DTYMK: variants seen among roughly 807,000 people sequenced by gnomAD.
The protein encoded by DTYMK is thymidylate kinase.
A neutral mutation model predicts 20.3 loss-of-function variants in DTYMK; 20 were observed. The ratio of observed to expected loss-of-function variants is 0.99; its 90% CI spans 0.69 to 1.43. The LOEUF is 1.43. Among genes scored for constraint, DTYMK ranks in the 40% most tolerant of loss-of-function variants. The probability of loss-of-function intolerance (pLI) is 0.00; values close to 1 mark genes in which losing one functional copy is unlikely to be tolerated. For missense variants in DTYMK, 320 were observed against 291.1 expected, an observed-to-expected ratio of 1.10 and a Z score of -0.72; for synonymous variants, 148 against 124.4, an observed-to-expected ratio of 1.19 and a Z score of -1.27.
Position 241,686,730 on chromosome 2 carries a change from C to T in DTYMK, c.54G>A (p.Gly18=), listed in dbSNP as rs1446449969. Residue 18 remains glycine, a synonymous_variant, in exon 1 of 5, where the codon GGG becomes GGA. Transcript: ENST00000305784. The part of the protein sequence containing the change: ...LIVLEGVDRA[G]KSTQSRKLVE... ...CCAGCTTGCGGCTCTGCGTGCTCTT[C>T]CCGGCGCGGTCCACGCCCTCCAGCA... is the stretch of plus-strand genomic sequence containing the variant. 3 of 1,546,736 alleles carry T rather than the reference C, an allele frequency of 1.9e-6. No homozygotes were observed. The highest frequency in any genetic ancestry group is 8.6e-7 in the Non-Finnish European group (1 of 1,159,734).
At chr2:241,680,980 G>T (rs1444299950) in intron 2 of DTYMK, among the ~76,000 whole-genome samples, 1 of 152,232 alleles carries the variant, frequency 6.6e-6, no homozygotes, top group African/African-American at 2.4e-5. Context: ...AGGCAAAGAA[G>T]AGAGCAGAGG....
rs1298359327 is a variant in DTYMK, at chr2:241,678,791, T to C, written c.331-142A>G. The C allele has an allele frequency of 8.3e-6, 8 of 966,602 alleles. No homozygotes were observed. The African/African-American group carries it at 9.9e-5, about 12-fold the overall frequency. 59.9% of individuals were successfully genotyped at this position (966,602 alleles called of 1,614,324 possible). ...TTTATATTGTGGCTCGTTTAATTTT[T>C]AGAACCTCAAACGTGTCGGTTTCTC... is the stretch of plus-strand genomic sequence containing the variant. On this transcript the variant is annotated intron_variant, in intron 3 of 4. Coordinates refer to ENST00000305784, the MANE Select transcript of DTYMK (RefSeq NM_012145.4).
intron 2 of DTYMK, among the ~76,000 whole-genome samples, chr2:241,684,145 T>C (rs1264468847): frequency 2.6e-5 from 4 of 152,082 alleles, no homozygotes; most frequent in Middle Eastern, 3.2e-3. Flanking sequence ...GGGAAACAAG[T>C]AACCTGTAGG....
intron 2 of DTYMK, 30 bp downstream of exon 2, chr2:241,685,739 G>A: frequency 6.3e-7 from 1 of 1,599,750 alleles, no homozygotes; most frequent in Non-Finnish European, 8.6e-7. Flanking sequence ...AGTGGCAAGG[G>A]CAGAGGGAGC....
chr2:241,685,732 G>A, intron 2 of DTYMK, 37 bp downstream of exon 2: 2 of 1,588,546 alleles, frequency 1.3e-6, no homozygotes, highest in Non-Finnish European at 1.7e-6. Flanking sequence ...GAAGGAAAGT[G>A]GCAAGGGCAG....
In DTYMK at chr2:241,686,707, A is replaced by T; in HGVS notation, c.77T>A (p.Leu26Gln). 1 of 1,543,396 alleles carries T rather than the reference A, an allele frequency of 6.5e-7. No homozygotes were observed. ...GCCCGCGGCGCACAGCGCTTCCACCAGCTTGCGGCTCTGCGTGCTCTTCCC... is the reference window on the plus strand; with the variant it reads ...GCCCGCGGCGCACAGCGCTTCCACCTGCTTGCGGCTCTGCGTGCTCTTCCC... The part of the protein sequence containing the change: ...RAGKSTQSRK[L>Q]VEALCAAGHR... Residue 26 changes from leucine (L) to glutamine (Q), a missense_variant, in exon 1 of 5, where the codon CTG (leucine) becomes CAG (glutamine). Leu to Gln is a moderately radical substitution (Grantham distance 113). Coordinates refer to ENST00000305784, the MANE Select transcript of DTYMK (RefSeq NM_012145.4).
chr2:241,677,697 G>T (rs749621238), intron 4 of DTYMK, among the ~76,000 whole-genome samples: 2 of 152,246 alleles, frequency 1.3e-5, no homozygotes, highest in African/African-American at 4.8e-5. Context: ...TGGGAGGGGA[G>T]AGTCCAGCGT....
At chr2:241,678,789 T>C in intron 3 of DTYMK, 140 bp from the exon 4 acceptor site, 1 of 966,592 alleles carries the variant, frequency 1.0e-6, no homozygotes, top group African/African-American at 1.6e-5. Flanking sequence ...TCGTTTAATT[T>C]TTAGAACCTC....
Position 241,686,664 on chromosome 2 carries a change from G to A in DTYMK, c.120C>T (p.Leu40=). 1 of 1,521,886 alleles carries A rather than the reference G, an allele frequency of 6.6e-7. No individual in the cohort carries two copies. Among genetic ancestry groups the A allele is most frequent in the Non-Finnish European group, 8.7e-7 (1 of 1,146,362 alleles). The allele number at this position is 1,521,886 out of a possible 1,614,324, so 94.3% of individuals were successfully genotyped here. A position where few individuals can be genotyped will look rare whatever the true frequency, so the allele number is the denominator to read the frequency against. The change falls in exon 1 of 5, where the codon CTC becomes CTT. Residue 40 remains leucine, a synonymous_variant. Transcript: ENST00000305784. ...LCAAGHRAEL[L]RFPERSTEIG... ...GCCGCGCGCACCCACCCGGGAACCG[G>A]AGCAGTTCGGCGCGGTGGCCCGCGG...
Position 241,677,016 on chromosome 2 carries a change from G to A in DTYMK, c.529-779C>T, listed in dbSNP as rs6729449. ...CACAATGGCGTGAACGGTGCGAGGA[G>A]CGTGGGGAGGGCATAAGCCCGCAGG... On this transcript the variant is annotated intron_variant, in intron 4 of 4. Transcript: ENST00000305784. Among the ~76,000 whole-genome samples, 42 of 152,360 alleles carry A rather than the reference G, an allele frequency of 2.8e-4. 1 individual carries two copies. The highest frequency in any genetic ancestry group is 8.2e-4 in the African/African-American group (34 of 41,592).
rs2069427625 is a variant in DTYMK at position 241,686,763 on chromosome 2, A to G, written c.21T>C (p.Ala7=). 3 of 1,472,062 alleles carry G rather than the reference A, an allele frequency of 2.0e-6. No individual in the cohort carries two copies. The highest frequency in any genetic ancestry group is 2.5e-5 in the Admixed American group (1 of 39,336). 91.2% of individuals were successfully genotyped at this position (1,472,062 alleles called of 1,614,324 possible). A position where few individuals can be genotyped will look rare whatever the true frequency, so the allele number is the denominator to read the frequency against. The change falls in exon 1 of 5, where the codon GCT becomes GCC. Residue 7 remains alanine (A), a synonymous_variant. Coordinates refer to ENST00000305784, the MANE Select transcript of DTYMK (RefSeq NM_012145.4). MAARRG[A]LIVLEGVDRA... is the part of the protein sequence containing the mutation. ...GGTCCACGCCCTCCAGCACTATGAG[A>G]GCCCCGCGCCGGGCCGCCATGACTG...
chr2:241,678,584 G>T lies in DTYMK; in HGVS notation c.396C>A (p.Phe132Leu). ...CAGCATCCGCCAGCTGTAACTGGAGGAACAGGACCAGGTCGGGTTTGGGAA... is the reference window on the plus strand; with the variant it reads ...CAGCATCCGCCAGCTGTAACTGGAGTAACAGGACCAGGTCGGGTTTGGGAA... ...VGLPKPDLVL[F>L]LQLQLADAAK... The change falls in exon 4 of 5, where the codon TTC becomes TTA. Residue 132 changes from phenylalanine (F) to leucine (L), a missense_variant. Coordinates refer to ENST00000305784, the MANE Select transcript of DTYMK (RefSeq NM_012145.4). 6.2e-7 allele frequency: 1 copy of T among 1,614,196 alleles called. No homozygotes were observed. Among genetic ancestry groups the T allele is most frequent in the Non-Finnish European group, 8.5e-7 (1 of 1,180,044 alleles).
At chr2:241,684,404 C>G (rs892768117) in intron 2 of DTYMK, among the ~76,000 whole-genome samples, 2 of 152,202 alleles carry the variant, frequency 1.3e-5, no homozygotes, top group Non-Finnish European at 2.9e-5. Flanking sequence ...CCAAGCAAGA[C>G]ACAAAGCTAA....
intron 2 of DTYMK, chr2:241,685,208 A>AT (rs1277972184): frequency 6.6e-6 from 1 of 151,230 alleles, no homozygotes; most frequent in East Asian, 1.9e-4. Flanking sequence ...CTTAAAAATA[A>AT]AAAAAAAAGG....
Position 241,684,000 on chromosome 2 carries a change from T to C in DTYMK, c.239+1769A>G, listed in dbSNP as rs558770960. Among the ~76,000 whole-genome samples, 8 of 152,050 alleles carry C rather than the reference T, an allele frequency of 5.3e-5. No homozygotes were observed. The South Asian group carries it at 1.5e-3, about 28-fold the overall frequency. On this transcript the variant is annotated intron_variant, in intron 2 of 4. Coordinates refer to ENST00000305784, the MANE Select transcript of DTYMK (RefSeq NM_012145.4). ...TGAACCCGGGAGGCGGCGGTTGCAG[T>C]GAGCCGAGACTGAGCCACTGCACTC... is the stretch of plus-strand genomic sequence containing the variant.
intron 2 of DTYMK, chr2:241,685,481 C>G (rs568054490): frequency 4.1e-6 from 1 of 241,318 alleles, no homozygotes. Context: ...TGCAGTGAGC[C>G]GAGATCACAC....
At chr2:241,680,369 A>G (rs778517929) in intron 2 of DTYMK, 50 bp from the exon 3 acceptor site, 42 of 1,599,712 alleles carry the variant, frequency 2.6e-5, no homozygotes, top group Non-Finnish European at 3.6e-5. Context: ...TAGGCCTTGA[A>G]CTGTCAAGCT....
intron 4 of DTYMK, 88 bp downstream of exon 4, chr2:241,678,364 G>C: frequency 1.3e-6 from 2 of 1,565,840 alleles, no homozygotes; most frequent in East Asian, 4.5e-5. Context: ...AACGGCAGCA[G>C]CTTTGCTGAC....
At chr2:241,677,658 G>A (rs1028792611) in intron 4 of DTYMK, among the ~76,000 whole-genome samples, 3 of 152,258 alleles carry the variant, frequency 2.0e-5, no homozygotes, top group African/African-American at 7.2e-5. Flanking sequence ...CGGTCGGGAG[G>A]AGCAGAGGCG....
Sources: allele counts gnomAD v4.1 joint callset (sites outside exome capture counted in the v4.1 genomes callset), GRCh38; gene constraint gnomAD v4.1.1; transcripts MANE v1.5; gene names NCBI Gene and HGNC (gene_info 2026-07-23, HGNC 2026-07-21).